LPCAT2: variants seen among roughly 807,000 people sequenced by gnomAD.
LPCAT2 encodes the protein lysophosphatidylcholine acyltransferase 2.
In LPCAT2, 58 loss-of-function variants were observed where a neutral mutation model predicts 64.7. The ratio of observed to expected loss-of-function variants is 0.90; its 90% CI spans 0.73 to 1.12. The LOEUF is 1.12. Ranked by LOEUF, LPCAT2 falls within the 50% of genes most tolerant of loss-of-function variation. The probability of loss-of-function intolerance (pLI) is 0.00; values close to 1 mark genes in which losing one functional copy is unlikely to be tolerated. For missense variants in LPCAT2, 579 were observed against 669.8 expected (o/e 0.86, Z 1.50); for synonymous variants, 252 against 245.3 (o/e 1.03, Z -0.26).
At chr16:55,578,428 G>A (rs1003486073) in intron 12 of LPCAT2, among the ~76,000 whole-genome samples, 4 of 152,142 alleles carry the variant, frequency 2.6e-5, no homozygotes, top group African/African-American at 9.7e-5. Flanking sequence ...TAAACTAGAA[G>A]ATACCATTTT....
intron 1 of LPCAT2, among the ~76,000 whole-genome samples, chr16:55,518,744 G>T (rs767465357): frequency 3.9e-5 from 6 of 152,168 alleles, no homozygotes; most frequent in Non-Finnish European, 8.8e-5. Context: ...AAGGAAGTTA[G>T]GTCCTTACCT....
At chr16:55,523,173 G>A (rs1448808646) in intron 1 of LPCAT2, among the ~76,000 whole-genome samples, 1 of 151,552 alleles carries the variant, frequency 6.6e-6, no homozygotes, top group African/African-American at 2.4e-5. Flanking sequence ...GAAGTTAAAG[G>A]AATGACCAAT....
intron 8 of LPCAT2, chr16:55,541,761 G>A (rs1963399635): frequency 1.4e-6 from 1 of 717,624 alleles, no homozygotes; most frequent in African/African-American, 1.9e-5. Flanking sequence ...GAGTTTTGAG[G>A]AGTAATAAAG....
intron 13 of LPCAT2, among the ~76,000 whole-genome samples, chr16:55,580,759 G>A (rs922043666): frequency 3.3e-5 from 5 of 152,138 alleles, no homozygotes; most frequent in Non-Finnish European, 5.9e-5. Context: ...GGAGGTGAGT[G>A]GCAGGCGAGT....
At chr16:55,540,569 G>A (rs1333546138) in intron 8 of LPCAT2, 1 of 151,816 alleles carries the variant, frequency 6.6e-6, no homozygotes, top group East Asian at 1.9e-4. Flanking sequence ...GCTAGTTTAT[G>A]AATGGAAACA....
intron 11 of LPCAT2, among the ~76,000 whole-genome samples, chr16:55,570,382 G>A (rs538802536): frequency 5.2e-4 from 79 of 152,202 alleles, no homozygotes; most frequent in African/African-American, 1.9e-3. Context: ...TAGCACTTTG[G>A]GAGGCTGAGG....
At chr16:55,549,240 A>G in intron 9 of LPCAT2, 37 bp from the exon 10 acceptor site, 1 of 1,493,190 alleles carries the variant, frequency 6.7e-7, no homozygotes, top group Non-Finnish European at 8.9e-7. Context: ...TTTTTTTTAA[A>G]AAAAATGAAT....
At chr16:55,550,717 C>T (rs1184444755) in intron 10 of LPCAT2, among the ~76,000 whole-genome samples, 1 of 152,124 alleles carries the variant, frequency 6.6e-6, no homozygotes, top group African/African-American at 2.4e-5. Flanking sequence ...AGATCGAGAC[C>T]ATCCTGGCCA....
At chr16:55,545,087 G>A (rs1963438502) in intron 8 of LPCAT2, among the ~76,000 whole-genome samples, 1 of 152,112 alleles carries the variant, frequency 6.6e-6, no homozygotes, top group African/African-American at 2.4e-5. Context: ...CCTTGTTAAT[G>A]TCAGGAAACC....
intron 1 of LPCAT2, among the ~76,000 whole-genome samples, chr16:55,520,242 A>G (rs760689777): frequency 2.6e-5 from 4 of 152,134 alleles, no homozygotes; most frequent in Admixed American, 6.5e-5. Context: ...ATATGACTGT[A>G]TTAATATCAG....
intron 13 of LPCAT2, 122 bp downstream of exon 13, chr16:55,579,366 T>G: frequency 1.1e-6 from 1 of 931,914 alleles, no homozygotes; most frequent in South Asian, 1.9e-5. Flanking sequence ...ATAGTAATAT[T>G]GATGACCACA....
intron 8 of LPCAT2, chr16:55,538,934 TCTGAGCA>T (rs1163768732): frequency 2.0e-5 from 3 of 152,142 alleles, no homozygotes; most frequent in Non-Finnish European, 4.4e-5. Context: ...TTCTAAATAC[TCTGAGCA>T]CTGCTCTTGC....
At position 55,583,112 on chromosome 16, in the gene LPCAT2, A is replaced by C; in HGVS notation, c.*14A>C. 2 of 1,602,776 alleles carry C rather than the reference A, an allele frequency of 1.2e-6. No homozygotes were observed. The highest frequency in any genetic ancestry group is 2.2e-5 in the South Asian group (2 of 89,538). On this transcript the variant is annotated 3_prime_UTR_variant, in exon 14 of 14. Transcript: ENST00000262134. Reference sequence around the variant, plus strand: ...AAAGATGACTGAAAGCAGTATTTCCAATAAGGAAAACACAGTAGCTTTTGC... The same window carrying C: ...AAAGATGACTGAAAGCAGTATTTCCCATAAGGAAAACACAGTAGCTTTTGC...
At chr16:55,562,565 A>G (rs1963648144) in intron 11 of LPCAT2, among the ~76,000 whole-genome samples, 1 of 151,958 alleles carries the variant, frequency 6.6e-6, no homozygotes, top group African/African-American at 2.4e-5. Flanking sequence ...ATAATAGATT[A>G]GTATTGATAG....
intron 13 of LPCAT2, among the ~76,000 whole-genome samples, chr16:55,581,248 A>C (rs555623713): frequency 6.6e-6 from 1 of 152,190 alleles, no homozygotes; most frequent in Admixed American, 6.5e-5. Context: ...TAAGTCTTCT[A>C]TGTGTCTCCG....
At chr16:55,547,069 C>G (rs939680814) in intron 9 of LPCAT2, among the ~76,000 whole-genome samples, 1 of 151,974 alleles carries the variant, frequency 6.6e-6, no homozygotes, top group Non-Finnish European at 1.5e-5. Flanking sequence ...ATTGCTGGAA[C>G]CTGGGAGGCA....
chr16:55,545,023 C>T (rs1001054535), intron 8 of LPCAT2, among the ~76,000 whole-genome samples: 1 of 152,072 alleles, frequency 6.6e-6, no homozygotes, highest in East Asian at 1.9e-4. Flanking sequence ...TTAATCTTGC[C>T]TGGTATATAG....
intron 11 of LPCAT2, among the ~76,000 whole-genome samples, chr16:55,554,530 T>G (rs1199320698): frequency 6.6e-6 from 1 of 152,236 alleles, no homozygotes; most frequent in African/African-American, 2.4e-5. Flanking sequence ...AGGCTTTGGC[T>G]TAACAAAATG....
At chr16:55,545,707 G>T (rs778626113) in intron 8 of LPCAT2, 28 bp from the exon 9 acceptor site, 2 of 1,425,808 alleles carry the variant, frequency 1.4e-6, no homozygotes, top group Admixed American at 3.6e-5. Context: ...TTAAGACATT[G>T]TTATGGAAAG....
Sources: allele counts gnomAD v4.1 joint callset (sites outside exome capture counted in the v4.1 genomes callset), GRCh38; gene constraint gnomAD v4.1.1; transcripts MANE v1.5; gene names NCBI Gene and HGNC (gene_info 2026-07-23, HGNC 2026-07-21).